RIMS2: variants seen among roughly 807,000 people sequenced by gnomAD.
RIMS2 encodes regulating synaptic membrane exocytosis 2.
A neutral mutation model predicts 174.4 loss-of-function variants in RIMS2; 59 were observed. That is an observed-to-expected ratio of 0.34 (90% CI 0.27 to 0.42). The LOEUF (loss-of-function observed/expected upper bound fraction) is 0.42, where lower values mean the gene tolerates loss of function less well. RIMS2 is among the 10% of genes least tolerant of loss of function. RIMS2 has a pLI of 1.00. For missense variants in RIMS2, 1,620 were observed against 1,666.3 expected (o/e 0.97, Z 0.48); for synonymous variants, 606 against 572.5 (o/e 1.06, Z -0.84).
chr8:103,982,365 G>A (rs1011429817), intron 16 of RIMS2, among the ~76,000 whole-genome samples: 3 of 150,870 alleles, frequency 2.0e-5, no homozygotes, highest in East Asian at 2.0e-4. Context: ...AAAAAATAAA[G>A]AAGGAGAGAA....
At chr8:104,021,293 C>G (rs116173184) in intron 19 of RIMS2, among the ~76,000 whole-genome samples, 4 of 151,962 alleles carry the variant, frequency 2.6e-5, no homozygotes, top group Non-Finnish European at 5.9e-5. Flanking sequence ...GATAATGTAA[C>G]AAAATAAAGT....
At chr8:103,971,257 ATGTT>A (rs1176309879) in intron 15 of RIMS2, among the ~76,000 whole-genome samples, 6 of 152,094 alleles carry the variant, frequency 3.9e-5, no homozygotes, top group Non-Finnish European at 5.9e-5. Context: ...TTTTGGACAG[ATGTT>A]TGTTTATTTT....
intron 1 of RIMS2, among the ~76,000 whole-genome samples, chr8:103,631,114 G>A (rs1372508940): frequency 6.6e-6 from 1 of 152,110 alleles, no homozygotes; most frequent in African/African-American, 2.4e-5. Flanking sequence ...TGCAGAAACT[G>A]TTAAGTTTAA....
rs1475536106 is a variant in RIMS2 at position 104,251,621 on chromosome 8, A to T, written c.3851A>T (p.Tyr1284Phe). 3 of 1,602,394 alleles carry T rather than the reference A, an allele frequency of 1.9e-6. No homozygotes were observed. In the African/African-American group the frequency reaches 4.0e-5, roughly 21 times the overall value. Residue 1284 changes from tyrosine (Y) to phenylalanine (F), a missense_variant, in exon 24 of 24, where the codon TAT (tyrosine) becomes TTT (phenylalanine). Tyr to Phe is a conservative substitution (Grantham distance 22). Coordinates refer to ENST00000504942, the Ensembl canonical transcript of RIMS2. ...CAACAGATCATCGTCTGGGGAGATT[A>T]TGGCCGCATGGATCACAAATCTTTT...
chr8:103,776,528 T>C (rs923749259), intron 3 of RIMS2, among the ~76,000 whole-genome samples: 1 of 152,122 alleles, frequency 6.6e-6, no homozygotes, highest in African/African-American at 2.4e-5. Context: ...ATTTATTGTA[T>C]AGTGTAAATT....
chr8:103,628,644 C>T (rs2095842746), intron 1 of RIMS2, among the ~76,000 whole-genome samples: 1 of 151,566 alleles, frequency 6.6e-6, no homozygotes, highest in South Asian at 2.1e-4. Context: ...ACTGTGATTA[C>T]AGGTGTGAGC....
At chr8:104,198,150 G>A (rs901418871) in intron 19 of RIMS2, among the ~76,000 whole-genome samples, 2 of 151,974 alleles carry the variant, frequency 1.3e-5, no homozygotes, top group South Asian at 2.1e-4. Flanking sequence ...GATGCGGTTC[G>A]CCTCAAGATC....
At chr8:103,637,160 A>G (rs1040477404) in intron 1 of RIMS2, among the ~76,000 whole-genome samples, 2 of 152,130 alleles carry the variant, frequency 1.3e-5, no homozygotes, top group African/African-American at 4.8e-5. Flanking sequence ...TTGCCTTTCT[A>G]TGAACAAAAG....
At chr8:104,251,649 G>A (rs2099359600) in exon 24 of RIMS2, 1 of 1,611,446 alleles carries the variant, frequency 6.2e-7, no homozygotes, top group Non-Finnish European at 8.5e-7. Flanking sequence ...AATCTTTTAT[G>A]GGAGTGGCCC....
At chr8:103,972,954 A>G (rs1303454851) in intron 15 of RIMS2, among the ~76,000 whole-genome samples, 1 of 152,210 alleles carries the variant, frequency 6.6e-6, no homozygotes, top group East Asian at 1.9e-4. Flanking sequence ...TACCATCCAG[A>G]TTTCAAATGC....
intron 14 of RIMS2, among the ~76,000 whole-genome samples, chr8:103,958,873 A>G (rs1160023347): frequency 6.6e-6 from 1 of 152,236 alleles, no homozygotes; most frequent in Non-Finnish European, 1.5e-5. Flanking sequence ...AGCTAGTGAA[A>G]AAGTCTGTGA....
chr8:103,742,888 G>T (rs1468099327), intron 2 of RIMS2, among the ~76,000 whole-genome samples: 1 of 151,958 alleles, frequency 6.6e-6, no homozygotes, highest in Non-Finnish European at 1.5e-5. Flanking sequence ...ACATATACTC[G>T]TACCTTTCTT....
chr8:103,748,570 G>A (rs1357142310), intron 2 of RIMS2, among the ~76,000 whole-genome samples: 1 of 152,004 alleles, frequency 6.6e-6, no homozygotes, highest in Non-Finnish European at 1.5e-5. Flanking sequence ...TTTCTTCTCT[G>A]CAAGGTCGTT....
intron 1 of RIMS2, among the ~76,000 whole-genome samples, chr8:103,647,947 G>T (rs113188118): frequency 1.4e-5 from 2 of 142,276 alleles, no homozygotes; most frequent in African/African-American, 5.3e-5. Flanking sequence ...TTTGATCTTG[G>T]TTACTTCTTG....
At chr8:104,030,508 AC>A (rs769758160) in intron 19 of RIMS2, among the ~76,000 whole-genome samples, 1 of 152,200 alleles carries the variant, frequency 6.6e-6, no homozygotes, top group Admixed American at 6.6e-5. Context: ...ATAAGGCCCT[AC>A]ATGACCTGTG....
chr8:103,533,678 A>AG (rs769072228), intron 1 of RIMS2, among the ~76,000 whole-genome samples: 16,844 of 147,804 alleles, frequency 0.11, 1,063 homozygotes, highest in Middle Eastern at 0.21. Context: ...AAAAAAAAAA[A>AG]AAAAGAAAAA....
intron 16 of RIMS2, among the ~76,000 whole-genome samples, chr8:103,984,047 A>G (rs556335211): frequency 3.9e-5 from 6 of 152,002 alleles, no homozygotes; most frequent in Admixed American, 6.6e-5. Flanking sequence ...GGTGGCGGGC[A>G]CCTGTAGTCC....
chr8:104,191,836 C>T (rs2098999467), intron 19 of RIMS2, among the ~76,000 whole-genome samples: 1 of 152,062 alleles, frequency 6.6e-6, no homozygotes, highest in Non-Finnish European at 1.5e-5. Flanking sequence ...AATTCCTGGC[C>T]TCAGCCAATC....
At position 103,608,256 on chromosome 8, in the gene RIMS2, C is replaced by T. The variant is rs1466455767; in HGVS notation, c.177-88830C>T. ...GCTGCAGGTCTGTTGGAGTACTGGG[C>T]CCTGTGAGGTGTCAATCTGCCCCTG... On this transcript the variant is annotated intron_variant, in intron 1 of 23. Transcript: ENST00000504942. Among the ~76,000 whole-genome samples, 2 of 143,080 alleles carry T rather than the reference C, an allele frequency of 1.4e-5. 1 individual carries two copies. Among genetic ancestry groups the T allele is most frequent in the Non-Finnish European group, 3.1e-5 (2 of 65,310 alleles). The allele number at this position is 143,080 out of a possible 152,430, so 93.9% of individuals were successfully genotyped here.
Sources: allele counts gnomAD v4.1 joint callset (sites outside exome capture counted in the v4.1 genomes callset), GRCh38; gene constraint gnomAD v4.1.1; transcripts MANE v1.5; gene names NCBI Gene and HGNC (gene_info 2026-07-23, HGNC 2026-07-21).